The following COG5 variants were observed in gnomAD, a reference collection of about 807,000 sequenced individuals.
COG5 encodes the protein component of oligomeric golgi complex 5.
A neutral mutation model predicts 110.4 loss-of-function variants in COG5; 86 were observed. The ratio of observed to expected loss-of-function variants is 0.78; its 90% CI spans 0.65 to 0.93. COG5 has a LOEUF of 0.93. Ranked by LOEUF, COG5 falls within the 40% of genes least tolerant of loss-of-function variation. COG5 has a pLI of 0.00. For missense variants in COG5, 1,077 were observed against 987.0 expected (o/e 1.09, Z -1.22); for synonymous variants, 360 against 334.6 (o/e 1.08, Z -0.83).
intron 6 of COG5, among the ~76,000 whole-genome samples, chr7:107,419,074 C>T (rs1297478823): frequency 1.3e-5 from 2 of 152,156 alleles, no homozygotes; most frequent in African/African-American, 2.4e-5. Context: ...GATGATGAAA[C>T]ATGTCTTTGA....
chr7:107,500,370 T>A (rs1186310606), intron 6 of COG5, among the ~76,000 whole-genome samples: 1 of 152,206 alleles, frequency 6.6e-6, no homozygotes, highest in Non-Finnish European at 1.5e-5. Flanking sequence ...GATTTCTTTT[T>A]CAAAGCAGAT....
At chr7:107,339,142 G>T (rs10250249) in intron 10 of COG5, among the ~76,000 whole-genome samples, 8,557 of 152,100 alleles carry the variant, frequency 0.056, 456 homozygotes, top group African/African-American at 0.13. Context: ...GATCTCACAT[G>T]CAGTAACACC....
chr7:107,412,749 G>A, intron 6 of COG5, 117 bp from the exon 7 acceptor site: 1 of 667,334 alleles, frequency 1.5e-6, no homozygotes, highest in Non-Finnish European at 2.5e-6. Flanking sequence ...AAACAGGGTT[G>A]CCATTCAAAA....
chr7:107,371,260 T>C (rs937139476), intron 8 of COG5, among the ~76,000 whole-genome samples: 1 of 152,124 alleles, frequency 6.6e-6, no homozygotes, highest in African/African-American at 2.4e-5. Flanking sequence ...GTTATATATA[T>C]TCAGTATTAC....
chr7:107,397,157 A>C (rs190951506), intron 7 of COG5, among the ~76,000 whole-genome samples: 1 of 152,326 alleles, frequency 6.6e-6, no homozygotes, highest in East Asian at 1.9e-4. Context: ...CATGTGACTC[A>C]AATCTGGCCA....
intron 10 of COG5, among the ~76,000 whole-genome samples, chr7:107,356,510 G>A (rs1584722068): frequency 6.6e-6 from 1 of 151,644 alleles, no homozygotes; most frequent in East Asian, 1.9e-4. Context: ...AACCAGCCTG[G>A]GCAATACAGT....
chr7:107,518,991 G>C (rs1345509399), intron 6 of COG5, among the ~76,000 whole-genome samples: 1 of 152,176 alleles, frequency 6.6e-6, no homozygotes, highest in Non-Finnish European at 1.5e-5. Context: ...TCGGGATTAA[G>C]AAACTCACTC....
At chr7:107,522,203 T>G (rs1009387828) in intron 6 of COG5, among the ~76,000 whole-genome samples, 4 of 152,186 alleles carry the variant, frequency 2.6e-5, no homozygotes, top group Non-Finnish European at 5.9e-5. Flanking sequence ...GCGCAGTGGC[T>G]CACGCCTGTA....
intron 7 of COG5, among the ~76,000 whole-genome samples, chr7:107,373,656 A>T (rs974110751): frequency 2.1e-4 from 32 of 152,246 alleles, no homozygotes; most frequent in Non-Finnish European, 4.3e-4. Flanking sequence ...AATATCATCA[A>T]TGAGTGGATT....
At chr7:107,396,946 A>G (rs905216484) in intron 7 of COG5, among the ~76,000 whole-genome samples, 10 of 152,234 alleles carry the variant, frequency 6.6e-5, no homozygotes, top group African/African-American at 2.4e-4. Flanking sequence ...AATAAAATGT[A>G]AAGTCATTCT....
Position 107,201,380 on chromosome 7 carries a change from TA to T in COG5, c.*2135del, listed in dbSNP as rs1430756095. 4.2e-6 allele frequency: 6 copies of T among 1,436,348 alleles called. No homozygotes were observed. Among genetic ancestry groups the T allele is most frequent in the Non-Finnish European group, 4.9e-6 (5 of 1,021,752 alleles). 89.0% of individuals were successfully genotyped at this position (1,436,348 alleles called of 1,614,324 possible). On this transcript the variant is annotated 3_prime_UTR_variant, in exon 22 of 22. Coordinates refer to ENST00000297135, the MANE Select transcript of COG5 (RefSeq NM_006348.5). ...TATAGGATTACTATGTATTGATTTG[TA>T]AACATTCACTGAGTTTAATTTTATT...
At chr7:107,433,428 CAT>C (rs1028985754) in intron 6 of COG5, among the ~76,000 whole-genome samples, 1 of 152,108 alleles carries the variant, frequency 6.6e-6, no homozygotes, top group African/African-American at 2.4e-5. Context: ...GGCTTCAAAA[CAT>C]ATTACAAAGC....
Position 107,360,202 on chromosome 7 carries a change from G to T in COG5, c.1026+1831C>A, listed in dbSNP as rs149098518. Reference sequence around the variant, plus strand: ...CAGACATCAGGATGGTCTGCCTGTGGAACGGAGCTAAATACTGCAGGTCAC... The same window carrying T: ...CAGACATCAGGATGGTCTGCCTGTGTAACGGAGCTAAATACTGCAGGTCAC... On this transcript the variant is annotated intron_variant, in intron 10 of 21. Coordinates refer to ENST00000297135, the MANE Select transcript of COG5 (RefSeq NM_006348.5). Among the ~76,000 whole-genome samples the T allele has an allele frequency of 1.6e-3, 245 of 152,332 alleles. 1 individual carries two copies. Among genetic ancestry groups the T allele is most frequent in the African/African-American group, 5.5e-3 (230 of 41,586 alleles).
chr7:107,408,071 G>C (rs1376005157), intron 7 of COG5, among the ~76,000 whole-genome samples: 1 of 152,164 alleles, frequency 6.6e-6, no homozygotes, highest in Non-Finnish European at 1.5e-5. Flanking sequence ...AGAAAGCTAA[G>C]GTATGAAACA....
At chr7:107,323,106 A>T (rs968844311) in intron 11 of COG5, among the ~76,000 whole-genome samples, 7 of 152,228 alleles carry the variant, frequency 4.6e-5, no homozygotes, top group Non-Finnish European at 8.8e-5. Flanking sequence ...CAAACATCAT[A>T]GAATTTTATG....
At chr7:107,287,742 G>C (rs1421840749) in intron 12 of COG5, among the ~76,000 whole-genome samples, 2 of 152,142 alleles carry the variant, frequency 1.3e-5, no homozygotes, top group African/African-American at 4.8e-5. Flanking sequence ...TATACTGTGT[G>C]TATCTGTGTA....
At chr7:107,262,888 T>C (rs1477143050) in intron 14 of COG5, among the ~76,000 whole-genome samples, 2 of 152,202 alleles carry the variant, frequency 1.3e-5, no homozygotes, top group East Asian at 1.9e-4. Context: ...ATACAGTTTA[T>C]ACCAAAGTAT....
chr7:107,203,537 C>T lies in COG5; in HGVS notation c.2469G>A (p.Lys823=), dbSNP rs1222371479. The change falls in exon 22 of 22, where the codon AAG becomes AAA. Residue 823 remains lysine, a synonymous_variant. Coordinates refer to ENST00000297135, the MANE Select transcript of COG5 (RefSeq NM_006348.5). ...VYPIMVQLLQ[K]AMSALQ is the part of the protein sequence containing the mutation. Reference sequence around the variant, plus strand: ...GTCATTACTGAAGAGCAGACATAGCCTTTTGAAGCAGCTGAACCATTATGG... The same window carrying T: ...GTCATTACTGAAGAGCAGACATAGCTTTTTGAAGCAGCTGAACCATTATGG... 5 of 1,613,052 alleles carry T rather than the reference C, an allele frequency of 3.1e-6. No individual in the cohort carries two copies. The highest frequency in any genetic ancestry group is 1.7e-5 in the Admixed American group (1 of 60,006).
At chr7:107,425,544 T>G (rs1018269490) in intron 6 of COG5, among the ~76,000 whole-genome samples, 2 of 151,876 alleles carry the variant, frequency 1.3e-5, no homozygotes, top group Non-Finnish European at 2.9e-5. Flanking sequence ...ATAGGTATTA[T>G]GAGAGTCACA....
Sources: gnomAD v4.1 joint callset for allele counts (sites outside exome capture counted in the v4.1 genomes callset) on GRCh38, gnomAD v4.1.1 for gene constraint, MANE v1.5 for transcripts, NCBI Gene and HGNC (gene_info 2026-07-23, HGNC 2026-07-21) for gene names.